CTSO: variants seen among roughly 807,000 people sequenced by gnomAD.
CTSO encodes cathepsin O.
In CTSO, 40 loss-of-function variants were observed where a neutral mutation model predicts 42.4. The observed-to-expected ratio is 0.94, with a 90% CI of 0.73 to 1.23. CTSO has a LOEUF of 1.23. CTSO is among the 50% of genes most tolerant of loss of function. The probability of loss-of-function intolerance (pLI) is 0.00; values close to 1 mark genes in which losing one functional copy is unlikely to be tolerated. For missense variants in CTSO, 441 were observed against 396.0 expected, an observed-to-expected ratio of 1.11 and a Z score of -0.96; for synonymous variants, 156 against 146.2, an observed-to-expected ratio of 1.07 and a Z score of -0.48.
intron 1 of CTSO, among the ~76,000 whole-genome samples, chr4:155,945,899 A>C (rs1018778563): frequency 6.6e-6 from 1 of 152,192 alleles, no homozygotes; most frequent in African/African-American, 2.4e-5. Context: ...CAAAAAAGGA[A>C]TATACCACAC....
intron 1 of CTSO, among the ~76,000 whole-genome samples, chr4:155,945,796 A>G (rs1160618847): frequency 6.6e-6 from 1 of 152,194 alleles, no homozygotes; most frequent in African/African-American, 2.4e-5. Context: ...GTTAAGGACA[A>G]TATATTGTGA....
In CTSO at chr4:155,951,366, C is replaced by T. The variant is rs551442622; in HGVS notation, c.135+2347G>A. On this transcript the variant is annotated intron_variant, in intron 1 of 7. Coordinates refer to ENST00000433477, the MANE Select transcript of CTSO (RefSeq NM_001334.3). ...GGCACAAAGGAGAGTAGGCTAAATC[C>T]AATAGTTAAGAGCTTCCTGAGCACT... 2.0e-5 allele frequency among the ~76,000 whole-genome samples: 3 copies of T among 152,208 alleles called. No individual in the cohort carries two copies. In the South Asian group the frequency reaches 6.2e-4, roughly 32 times the overall value.
chr4:155,947,031 G>A (rs529909492), intron 1 of CTSO, among the ~76,000 whole-genome samples: 106 of 151,970 alleles, frequency 7.0e-4, no homozygotes, highest in African/African-American at 2.3e-3. Flanking sequence ...AATTTTTTTT[G>A]TATTTTTTTT....
At chr4:155,935,074 T>C (rs1054664864) in intron 5 of CTSO, among the ~76,000 whole-genome samples, 2 of 152,152 alleles carry the variant, frequency 1.3e-5, no homozygotes, top group Admixed American at 6.5e-5. Flanking sequence ...GGGGAGGTAA[T>C]TGAATTCATG....
At position 155,928,376 on chromosome 4, in the gene CTSO, T is replaced by C; in HGVS notation, c.891A>G (p.Val297=). Residue 297 remains valine (V), a synonymous_variant, in exon 7 of 8, where the codon GTA becomes GTG. Transcript: ENST00000433477. The part of the protein sequence containing the change: ...VRNSWGSSWG[V]DGYAHVKMGS... ...CCATTTTGACATGGGCATAACCATC[T>C]ACTCCCCAAGAACTTCCCCAGGAAT... 1 of 1,613,502 alleles carries C rather than the reference T, an allele frequency of 6.2e-7. No individual in the cohort carries two copies.
At chr4:155,943,309 T>C in intron 1 of CTSO, 45 bp from the exon 2 acceptor site, 2 of 1,239,240 alleles carry the variant, frequency 1.6e-6, no homozygotes, top group Non-Finnish European at 2.3e-6. Context: ...ATGTCAGTTT[T>C]CCAAAGTAAA....
intron 4 of CTSO, among the ~76,000 whole-genome samples, chr4:155,938,854 G>C (rs551623816): frequency 6.6e-6 from 1 of 152,126 alleles, no homozygotes; most frequent in Non-Finnish European, 1.5e-5. Flanking sequence ...CTACTCCGGA[G>C]GCTGAAGCAG....
At chr4:155,952,109 T>C (rs1262953433) in intron 1 of CTSO, among the ~76,000 whole-genome samples, 2 of 152,168 alleles carry the variant, frequency 1.3e-5, no homozygotes, top group East Asian at 3.8e-4. Context: ...AGCAAATTCT[T>C]ACAGGCAGCA....
intron 5 of CTSO, among the ~76,000 whole-genome samples, chr4:155,934,650 AG>A (rs1165956188): frequency 1.3e-5 from 2 of 152,314 alleles, no homozygotes; most frequent in African/African-American, 2.4e-5. Flanking sequence ...CTGGAGTCAA[AG>A]GAGATCACTC....
rs1467232689 is a variant in CTSO at position 155,924,400 on chromosome 4, T to C, written c.*1636A>G. The C allele has an allele frequency of 6.6e-6, 1 of 152,206 alleles. No homozygotes were observed. The highest frequency in any genetic ancestry group is 1.5e-5 in the Non-Finnish European group (1 of 68,030). 9.4% of individuals were successfully genotyped at this position (152,206 alleles called of 1,614,324 possible). A position where few individuals can be genotyped will look rare whatever the true frequency, so the allele number is the denominator to read the frequency against. On this transcript the variant is annotated 3_prime_UTR_variant, in exon 8 of 8. Coordinates refer to ENST00000433477, the MANE Select transcript of CTSO (RefSeq NM_001334.3). ...TCCAAACCTGAGTCAACACACATTC[T>C]TTTCGGATTGGTTCTGACTGGCGTA...
chr4:155,953,705 C>T lies in CTSO; in HGVS notation c.135+8G>A. The T allele has an allele frequency of 1.6e-6, 2 of 1,263,436 alleles. No homozygotes were observed. Among genetic ancestry groups the T allele is most frequent in the Non-Finnish European group, 2.0e-6 (2 of 1,004,718 alleles). The allele number at this position is 1,263,436 out of a possible 1,614,324, so 78.3% of individuals were successfully genotyped here. On this transcript the variant is annotated splice_region_variant and intron_variant, in intron 1 of 7. Transcript: ENST00000433477. ...GGGACAGATCCCGGGGAGGCGCGCG[C>T]TCGGTACCCGGAAGGCGGCGGCTTC... is the stretch of plus-strand genomic sequence containing the variant.
At chr4:155,953,259 C>T (rs1743708486) in intron 1 of CTSO, among the ~76,000 whole-genome samples, 2 of 152,006 alleles carry the variant, frequency 1.3e-5, no homozygotes, top group African/African-American at 2.4e-5. Context: ...CTTCTGATCA[C>T]TAGCGCCCTC....
At chr4:155,939,265 G>T in intron 4 of CTSO, 106 bp downstream of exon 4, 1 of 960,958 alleles carries the variant, frequency 1.0e-6, no homozygotes, top group Non-Finnish European at 1.5e-6. Context: ...ATTTCCGAAC[G>T]TGGAAACATT....
At chr4:155,946,381 ATTAT>A (rs1743547533) in intron 1 of CTSO, among the ~76,000 whole-genome samples, 1 of 152,208 alleles carries the variant, frequency 6.6e-6, no homozygotes, top group Non-Finnish European at 1.5e-5. Context: ...AAATGAATGT[ATTAT>A]TTATTTATTT....
chr4:155,939,528 C>G lies in CTSO; in HGVS notation c.395G>C (p.Cys132Ser). ...QVRNQQMCGG[C>S]WAFSVVGAVE... ...TGCCCCCACCACGCTGAAGGCCCAG[C>G]ATCCTCCACACTGTTTAAAAACAGA... Residue 132 changes from cysteine to serine, a missense_variant, in exon 4 of 8, where the codon TGC becomes TCC. By Grantham distance (112) the Cys-to-Ser change is moderately radical. Transcript: ENST00000433477. 1 of 1,613,716 alleles carries G rather than the reference C, an allele frequency of 6.2e-7. No individual in the cohort carries two copies. Among genetic ancestry groups the G allele is most frequent in the Non-Finnish European group, 8.5e-7 (1 of 1,179,734 alleles).
intron 5 of CTSO, among the ~76,000 whole-genome samples, chr4:155,932,039 T>G (rs11946572): frequency 0.28 from 41,942 of 151,880 alleles, 6,479 homozygotes; most frequent in South Asian, 0.5. Context: ...TACTGTTATA[T>G]GTAGTAGGTT....
intron 1 of CTSO, among the ~76,000 whole-genome samples, chr4:155,950,680 T>G (rs1471537552): frequency 6.6e-6 from 1 of 151,972 alleles, no homozygotes; most frequent in Admixed American, 6.6e-5. Context: ...CACCACCTGA[T>G]CTCCACCTTC....
At chr4:155,939,600 T>G (rs1743393580) in intron 3 of CTSO, 62 bp from the exon 4 acceptor site, 31 of 1,402,294 alleles carry the variant, frequency 2.2e-5, no homozygotes, top group Non-Finnish European at 2.6e-5. Flanking sequence ...CCAACATCTC[T>G]AAATGTAACA....
intron 1 of CTSO, among the ~76,000 whole-genome samples, chr4:155,951,151 T>A (rs180688756): frequency 4.5e-4 from 69 of 152,306 alleles, no homozygotes; most frequent in Middle Eastern, 3.4e-3. Flanking sequence ...CAACTGGTCT[T>A]AAGGTAAAGC....
Sources: allele counts gnomAD v4.1 joint callset (sites outside exome capture counted in the v4.1 genomes callset), GRCh38; gene constraint gnomAD v4.1.1; transcripts MANE v1.5; gene names NCBI Gene and HGNC (gene_info 2026-07-23, HGNC 2026-07-21).